The following COL4A3 variants were observed in gnomAD, a reference collection of about 807,000 sequenced individuals.
The protein encoded by COL4A3 is collagen type IV alpha 3 chain.
In COL4A3, 135 loss-of-function variants were observed where a neutral mutation model predicts 217.4. The observed-to-expected ratio is 0.62, with a 90% CI of 0.54 to 0.72. The LOEUF (loss-of-function observed/expected upper bound fraction) is 0.72. Ranked by LOEUF, COL4A3 falls within the 30% of genes least tolerant of loss-of-function variation. The pLI is 0.00. For missense variants in COL4A3, 1,868 were observed against 2,119.9 expected, an observed-to-expected ratio of 0.88 and a Z score of 2.33; for synonymous variants, 690 against 736.3, an observed-to-expected ratio of 0.94 and a Z score of 1.02.
chr2:227,266,580 CCT>C (rs1043187840), intron 22 of COL4A3, 71 bp downstream of exon 22: 12 of 1,204,262 alleles, frequency 1.0e-5, no homozygotes, highest in African/African-American at 4.5e-5. Flanking sequence ...GATTTTTCCC[CCT>C]GAGATAACAA....
Position 227,194,318 on chromosome 2 carries a change from T to G in COL4A3, c.87+29505T>G, listed in dbSNP as rs541080281. Among the ~76,000 whole-genome samples, 307 of 152,284 alleles carry G rather than the reference T, an allele frequency of 2.0e-3. 3 individuals are homozygous for G. The highest frequency in any genetic ancestry group is 7.1e-3 in the African/African-American group (297 of 41,562). On this transcript the variant is annotated intron_variant, in intron 1 of 51. Transcript: ENST00000396578. Reference sequence around the variant, plus strand: ...ACAAGTTATTTCCACCACTGCTCCCTTTCCTGGATCTAAGAAAGAGAGTGG... The same window carrying G: ...ACAAGTTATTTCCACCACTGCTCCCGTTCCTGGATCTAAGAAAGAGAGTGG...
At chr2:227,311,071 T>C (rs936654275) in intron 51 of COL4A3, 123 bp downstream of exon 51, 9 of 984,216 alleles carry the variant, frequency 9.1e-6, no homozygotes, top group Non-Finnish European at 9.6e-6. Context: ...AGACAAAATA[T>C]GGGTTTTGTC....
At chr2:227,209,891 C>T (rs1229713710) in intron 1 of COL4A3, among the ~76,000 whole-genome samples, 3 of 152,114 alleles carry the variant, frequency 2.0e-5, no homozygotes, top group African/African-American at 7.2e-5. Context: ...TTACTCTGTC[C>T]TGTTCAGTTT....
In COL4A3 at chr2:227,205,708, A is replaced by ATTTTTT. The variant is rs1429611680; in HGVS notation, c.88-32259_88-32258insTTTTTT. 2.2e-3 allele frequency among the ~76,000 whole-genome samples: 275 copies of ATTTTTT among 123,670 alleles called. 2 individuals carry two copies. Among genetic ancestry groups the ATTTTTT allele is most frequent in the Non-Finnish European group, 2.2e-3 (124 of 55,852 alleles). The allele number at this position is 123,670 out of a possible 152,430, so 81.1% of individuals were successfully genotyped here. Reference sequence around the variant, plus strand: ...ATGACTATACAACTTAATTCAACAAATATTTTTTTTTTTGAAATCGACTAA... The same window carrying ATTTTTT: ...ATGACTATACAACTTAATTCAACAAATTTTTTTATTTTTTTTTTTGAAATCGACTAA... On this transcript the variant is annotated intron_variant, in intron 1 of 51. Transcript: ENST00000396578.
rs56239691 is a variant in COL4A3 at position 227,257,436 on chromosome 2, C to T, written c.988-167C>T. 5.2e-3 allele frequency among the ~76,000 whole-genome samples: 788 copies of T among 152,298 alleles called. 6 individuals are homozygous for T. The highest frequency in any genetic ancestry group is 0.024 in the Middle Eastern group (7 of 294). The stretch of plus-strand genomic sequence containing the variant: ...AGATGGGATTCCTTACCCAGATACG[C>T]GCTCTCCAGGAAAATAATTTAAAGT... On this transcript the variant is annotated intron_variant, in intron 17 of 51. Transcript: ENST00000396578.
In COL4A3 at chr2:227,253,304, G is replaced by T; in HGVS notation, c.654G>T (p.Met218Ile). ...AMGPRGPKGH[M>I]GERVIGHKGE... ...TTTGTGTTTTCTTACAGGGTCACATGGGTGAAAGAGTGATAGGACATAAAG... is the reference window on the plus strand; with the variant it reads ...TTTGTGTTTTCTTACAGGGTCACATTGGTGAAAGAGTGATAGGACATAAAG... Residue 218 changes from methionine to isoleucine, a missense_variant, in exon 12 of 52, where the codon ATG becomes ATT. Transcript: ENST00000396578. The surrounding 1 kb of genome is among the most constrained non-coding windows in gnomAD (Gnocchi z 4.4). The T allele has an allele frequency of 6.2e-7, 1 of 1,613,648 alleles. No homozygotes were observed.
At chr2:227,240,731 G>C (rs913003795) in intron 3 of COL4A3, among the ~76,000 whole-genome samples, 2 of 152,144 alleles carry the variant, frequency 1.3e-5, no homozygotes, top group Non-Finnish European at 2.9e-5. Context: ...GTGACCAAAG[G>C]ATTGCTATCT....
At chr2:227,195,780 A>G (rs779872617) in intron 1 of COL4A3, among the ~76,000 whole-genome samples, 1 of 151,408 alleles carries the variant, frequency 6.6e-6, no homozygotes, top group East Asian at 1.9e-4. Context: ...ATAGGAGATG[A>G]CAGCTCCATG....
Position 227,295,262 on chromosome 2 carries a change from C to G in COL4A3, c.3518-7C>G. On this transcript the variant is annotated splice_polypyrimidine_tract_variant and splice_region_variant and intron_variant, in intron 40 of 51. Coordinates refer to ENST00000396578, the MANE Select transcript of COL4A3 (RefSeq NM_000091.5). ...AATTATTAACATGCCAAGATTATCT[C>G]TTTCAGGTTTATTGAGGGCCCCTCC... 1 of 1,613,958 alleles carries G rather than the reference C, an allele frequency of 6.2e-7. No individual in the cohort carries two copies. Among genetic ancestry groups the G allele is most frequent in the Non-Finnish European group, 8.5e-7 (1 of 1,179,856 alleles).
At chr2:227,244,214 G>T in intron 3 of COL4A3, 106 bp from the exon 4 acceptor site, 1 of 859,946 alleles carries the variant, frequency 1.2e-6, no homozygotes, top group East Asian at 2.5e-5. Flanking sequence ...ATAATCAGAA[G>T]GGCAAAACAG....
At chr2:227,200,551 C>T (rs953918806) in intron 1 of COL4A3, among the ~76,000 whole-genome samples, 78 of 152,276 alleles carry the variant, frequency 5.1e-4, no homozygotes, top group East Asian at 1.9e-4. Flanking sequence ...ACAAGGAAGG[C>T]GCTGGTGCAT....
At chr2:227,218,096 A>G (rs1291195188) in intron 1 of COL4A3, among the ~76,000 whole-genome samples, 1 of 141,446 alleles carries the variant, frequency 7.1e-6, no homozygotes, top group Non-Finnish European at 1.6e-5. Flanking sequence ...ATATATATAT[A>G]TATATAGTTA....
At chr2:227,238,989 CTCT>C (rs2068860229) in intron 2 of COL4A3, among the ~76,000 whole-genome samples, 1 of 152,098 alleles carries the variant, frequency 6.6e-6, no homozygotes, top group African/African-American at 2.4e-5. Context: ...TCTTTTATTT[CTCT>C]TCTTGTTGAG....
intron 5 of COL4A3, 176 bp from the exon 6 acceptor site, chr2:227,245,778 C>A: frequency 1.5e-6 from 1 of 676,408 alleles, no homozygotes; most frequent in South Asian, 1.6e-5. Context: ...TATCAGTCAG[C>A]CTGTTTAGTT....
At chr2:227,199,405 A>G (rs2066601508) in intron 1 of COL4A3, among the ~76,000 whole-genome samples, 1 of 152,184 alleles carries the variant, frequency 6.6e-6, no homozygotes. Flanking sequence ...GAAAATAAGT[A>G]TTTTAGAGAT....
rs1200955781 is a variant in COL4A3, at chr2:227,181,408, T to C, written c.87+16595T>C. ...ATATCCTTCAGAGGATGAATCCTTG[T>C]GAAGTTTCAAAATGAAGCCACTGCA... On this transcript the variant is annotated intron_variant, in intron 1 of 51. Transcript: ENST00000396578. Among the ~76,000 whole-genome samples, 6 of 152,344 alleles carry C rather than the reference T, an allele frequency of 3.9e-5. No individual in the cohort carries two copies. The South Asian group carries it at 1.2e-3, about 32-fold the overall frequency.
chr2:227,289,606 C>CTTGTTTT (rs1487551396), intron 35 of COL4A3, among the ~76,000 whole-genome samples: 1 of 152,072 alleles, frequency 6.6e-6, no homozygotes, highest in Non-Finnish European at 1.5e-5. Context: ...ACTGAGTTTA[C>CTTGTTTT]AAAATAATTT....
intron 1 of COL4A3, among the ~76,000 whole-genome samples, chr2:227,197,215 T>TTTTG (rs578116716): frequency 6.6e-6 from 1 of 152,050 alleles, no homozygotes; most frequent in Non-Finnish European, 1.5e-5. Flanking sequence ...TTTTGTTTTG[T>TTTTG]TTTGTTTGTT....
chr2:227,171,766 G>A (rs574820832), intron 1 of COL4A3, among the ~76,000 whole-genome samples: 2 of 152,316 alleles, frequency 1.3e-5, no homozygotes, highest in East Asian at 3.9e-4. Context: ...ACCAAGGCAA[G>A]TTTTAGAGCA....
Sources: allele counts gnomAD v4.1 joint callset (sites outside exome capture counted in the v4.1 genomes callset), GRCh38; gene constraint gnomAD v4.1.1; non-coding constraint Gnocchi (gnomAD v3.1); transcripts MANE v1.5; gene names NCBI Gene and HGNC (gene_info 2026-07-23, HGNC 2026-07-21).